CDK17: variants seen among roughly 807,000 people sequenced by gnomAD.
CDK17 encodes cyclin-dependent kinase 17.
CDK17 carries 24 observed loss-of-function variants against 77.6 expected under a neutral mutation model. The observed-to-expected ratio is 0.31, with a 90% confidence interval of 0.22 to 0.44. The LOEUF is 0.44. Among genes scored for constraint, CDK17 ranks in the 20% least tolerant of loss-of-function variants. CDK17 has a pLI of 1.00. For synonymous variants in CDK17, 203 were observed against 210.4 expected, an observed-to-expected ratio of 0.96 and a Z score of 0.30; for missense variants, 429 against 622.5, an observed-to-expected ratio of 0.69 and a Z score of 3.31.
chr12:96,385,460 C>T (rs992840279), intron 1 of CDK17, among the ~76,000 whole-genome samples: 10 of 152,030 alleles, frequency 6.6e-5, no homozygotes, highest in Non-Finnish European at 8.8e-5. Flanking sequence ...CTCAGCATCA[C>T]GCAATATACC....
intron 1 of CDK17, among the ~76,000 whole-genome samples, chr12:96,365,477 T>C (rs562207788): frequency 3.6e-4 from 55 of 152,130 alleles, no homozygotes; most frequent in African/African-American, 1.3e-3. Flanking sequence ...TTCACTAACC[T>C]CACACAAATA....
chr12:96,293,253 G>T (rs1025853298), intron 10 of CDK17, among the ~76,000 whole-genome samples: 1 of 152,026 alleles, frequency 6.6e-6, no homozygotes, highest in African/African-American at 2.4e-5. Flanking sequence ...TGCCCAGGCT[G>T]GTCTTAAACT....
chr12:96,373,487 G>A (rs1409616101), intron 1 of CDK17, among the ~76,000 whole-genome samples: 1 of 152,038 alleles, frequency 6.6e-6, no homozygotes, highest in Non-Finnish European at 1.5e-5. Context: ...GCAGCTACTA[G>A]GGAGGCTGAG....
chr12:96,325,850 G>A (rs796333188), intron 2 of CDK17, among the ~76,000 whole-genome samples: 76 of 152,148 alleles, frequency 5.0e-4, no homozygotes, highest in African/African-American at 1.8e-3. Context: ...GATAATACAG[G>A]CTACAGCATA....
Position 96,291,907 on chromosome 12 carries a change from T to C in CDK17, c.998-2620A>G, listed in dbSNP as rs144425700. On this transcript the variant is annotated intron_variant, in intron 10 of 16. Coordinates refer to ENST00000261211, the MANE Select transcript of CDK17 (RefSeq NM_002595.5). ...GTATTTCTCTTCACTGCCATTCATT[T>C]TGGGATTGGGAATAAAGAGCATTAC... Among the ~76,000 whole-genome samples the C allele has an allele frequency of 4.4e-3, 663 of 152,192 alleles. 7 individuals carry two copies. Among genetic ancestry groups the C allele is most frequent in the Non-Finnish European group, 5.5e-3 (376 of 68,006 alleles).
At position 96,297,346 on chromosome 12, in the gene CDK17, G is replaced by GCA; in HGVS notation, c.811-16_811-15dup. ...CAGGTCTTTATCCTGGAAAAACACAGCACTCTGCTATGTGATACACCATTT... is the reference window on the plus strand; with the variant it reads ...CAGGTCTTTATCCTGGAAAAACACAGCACACTCTGCTATGTGATACACCATTT... On this transcript the variant is annotated splice_polypyrimidine_tract_variant and intron_variant, in intron 8 of 16. Coordinates refer to ENST00000261211, the MANE Select transcript of CDK17 (RefSeq NM_002595.5). 1 of 1,573,006 alleles carries GCA rather than the reference G, an allele frequency of 6.4e-7. No homozygotes were observed. The highest frequency in any genetic ancestry group is 8.7e-7 in the Non-Finnish European group (1 of 1,144,978).
intron 10 of CDK17, among the ~76,000 whole-genome samples, chr12:96,292,312 T>G (rs1474697470): frequency 6.6e-6 from 1 of 152,020 alleles, no homozygotes; most frequent in Non-Finnish European, 1.5e-5. Flanking sequence ...AACATAAAAC[T>G]ACCATAATCA....
chr12:96,371,368 G>A (rs1044602654), intron 1 of CDK17, among the ~76,000 whole-genome samples: 3 of 152,076 alleles, frequency 2.0e-5, no homozygotes. Context: ...CCAGCTAATT[G>A]TTCACCCTTT....
chr12:96,322,972 T>C (rs748630633), intron 3 of CDK17, among the ~76,000 whole-genome samples: 4 of 152,188 alleles, frequency 2.6e-5, no homozygotes, highest in South Asian at 4.1e-4. Context: ...AATCTCACTG[T>C]AGATAAGCTC....
chr12:96,295,928 A>G (rs1190200342), intron 9 of CDK17, among the ~76,000 whole-genome samples: 1 of 152,210 alleles, frequency 6.6e-6, no homozygotes, highest in Non-Finnish European at 1.5e-5. Flanking sequence ...AGAGGATTCA[A>G]GAGTTTCCCC....
intron 5 of CDK17, 34 bp from the exon 6 acceptor site, chr12:96,300,394 CTTTTTTTT>C: frequency 1.1e-6 from 1 of 924,834 alleles, no homozygotes; most frequent in Non-Finnish European, 1.6e-6. Flanking sequence ...GTAGTATTTA[CTTTTTTTT>C]TTTTTTTTTG....
At chr12:96,332,108 T>C (rs1173558660) in intron 2 of CDK17, among the ~76,000 whole-genome samples, 2 of 152,188 alleles carry the variant, frequency 1.3e-5, no homozygotes, top group Non-Finnish European at 2.9e-5. Context: ...ACAAACAACA[T>C]TGTGTTACAA....
At chr12:96,336,344 T>C (rs1953040729) in intron 1 of CDK17, among the ~76,000 whole-genome samples, 1 of 151,996 alleles carries the variant, frequency 6.6e-6, no homozygotes, top group Non-Finnish European at 1.5e-5. Flanking sequence ...TCTGCCTGTA[T>C]GCCCAGCTAC....
At chr12:96,350,361 A>T (rs1953291586) in intron 1 of CDK17, among the ~76,000 whole-genome samples, 1 of 151,646 alleles carries the variant, frequency 6.6e-6, no homozygotes. Flanking sequence ...AAAAAAAAAA[A>T]GCAAGACAAC....
rs183754847 is a variant in CDK17, at chr12:96,311,707, T to A, written c.418-530A>T. Among the ~76,000 whole-genome samples, 102 of 151,660 alleles carry A rather than the reference T, an allele frequency of 6.7e-4. 1 individual carries two copies. The East Asian group carries it at 0.019, about 29-fold the overall frequency. ...TATAAAAAGAAATTCCTCCCATTCA[T>A]AACAGCAGCCAAACCATGAAACGGA... is the stretch of plus-strand genomic sequence containing the variant. On this transcript the variant is annotated intron_variant, in intron 4 of 16. Transcript: ENST00000261211.
rs1411017093 is a variant in CDK17, at chr12:96,400,036, G to A, written c.-80C>T. The A allele has an allele frequency of 2.6e-6, 1 of 386,464 alleles. No homozygotes were observed. The highest frequency in any genetic ancestry group is 2.1e-5 in the African/African-American group (1 of 48,080). The allele number at this position is 386,464 out of a possible 1,614,324, so 23.9% of individuals were successfully genotyped here. On this transcript the variant is annotated 5_prime_UTR_variant, in exon 1 of 17. Coordinates refer to ENST00000261211, the MANE Select transcript of CDK17 (RefSeq NM_002595.5). The stretch of plus-strand genomic sequence containing the variant: ...CGAGGCGAGGCGAAGAGAGGCGCGG[G>A]GGGAAGCTGCTCCGCGGACGCCCGC...
At chr12:96,342,183 C>T (rs771412464) in intron 1 of CDK17, among the ~76,000 whole-genome samples, 10 of 152,032 alleles carry the variant, frequency 6.6e-5, no homozygotes, top group African/African-American at 9.7e-5. Context: ...TTTTCAGCAA[C>T]GATGACTATA....
At chr12:96,347,156 A>G (rs1363040098) in intron 1 of CDK17, among the ~76,000 whole-genome samples, 1 of 152,158 alleles carries the variant, frequency 6.6e-6, no homozygotes, top group African/African-American at 2.4e-5. Context: ...GACTAAAAAT[A>G]TATTAAGCAA....
rs1952668512 is a variant in CDK17, at chr12:96,313,361, A to G, written c.377T>C (p.Val126Ala). The G allele has an allele frequency of 4.4e-6, 7 of 1,597,910 alleles. No homozygotes were observed. Among genetic ancestry groups the G allele is most frequent in the South Asian group, 1.1e-5 (1 of 87,620 alleles). ...SSDEVQSPTG[V>A]CLRNRIHRRI... ...TCTATGTATACGATTTCTGAGACAA[A>G]CACCTGTAGGTGACTGGACTTCATC... Residue 126 changes from valine to alanine, a missense_variant, in exon 4 of 17, where the codon GTT becomes GCT. Physicochemically the swap from Val to Ala is moderately conservative, Grantham distance 64. Around this residue, in one of 4 missense-constraint regions of CDK17, gnomAD observed 262 missense variants for 385.4 expected, o/e 0.68. Transcript: ENST00000261211.
Sources: allele counts gnomAD v4.1 joint callset (sites outside exome capture counted in the v4.1 genomes callset), GRCh38; gene constraint gnomAD v4.1.1; regional missense constraint gnomAD v4.1.1; transcripts MANE v1.5; gene names NCBI Gene and HGNC (gene_info 2026-07-23, HGNC 2026-07-21).